Variants in ESRRB observed in about 807,000 individuals in gnomAD.
The protein encoded by ESRRB is estrogen related receptor beta.
Under a neutral mutation model 46.0 loss-of-function variants are expected in ESRRB, and 16 were observed. That is an observed-to-expected ratio of 0.35 (90% CI 0.24 to 0.53). The LOEUF (loss-of-function observed/expected upper bound fraction) is 0.53, where lower values mean the gene tolerates loss of function less well. Among genes scored for constraint, ESRRB ranks in the 20% least tolerant of loss-of-function variants. The pLI is 0.93. For synonymous variants in ESRRB, 246 were observed against 259.6 expected (o/e 0.95, Z 0.50); for missense variants, 488 against 607.4 (o/e 0.80, Z 2.07).
intron 2 of ESRRB, among the ~76,000 whole-genome samples, chr14:76,462,046 G>A (rs1380273713): frequency 6.6e-6 from 1 of 152,228 alleles, no homozygotes; most frequent in African/African-American, 2.4e-5. Flanking sequence ...GCAAAGCCAG[G>A]TGGCCTGGGC....
chr14:76,409,110 C>T lies in ESRRB; in HGVS notation c.51-30231C>T, dbSNP rs1274532373. On this transcript the variant is annotated intron_variant, in intron 1 of 6. Coordinates refer to ENST00000644823, the MANE Select transcript of ESRRB (RefSeq NM_001379180.1). ...TGTAAAATGGGAACGCCCAGGCTTC[C>T]CCTGACAGTTTCTTGGACAGATTAA... Among the ~76,000 whole-genome samples the T allele has an allele frequency of 2.6e-5, 4 of 152,266 alleles. No homozygotes were observed. The East Asian group carries it at 5.8e-4, about 22-fold the overall frequency.
intron 1 of ESRRB, among the ~76,000 whole-genome samples, chr14:76,325,803 T>C (rs749516772): frequency 5.9e-5 from 9 of 152,208 alleles, no homozygotes; most frequent in Non-Finnish European, 1.3e-4. Flanking sequence ...GTCAGGGCCA[T>C]GAGGGCGCGC....
chr14:76,495,333 C>G (rs1330089380), intron 6 of ESRRB: 1 of 152,090 alleles, frequency 6.6e-6, no homozygotes, highest in Non-Finnish European at 1.5e-5. Context: ...AGAGAGCCAT[C>G]CTGCAGTTGG....
chr14:76,335,432 G>T (rs1053870316), intron 1 of ESRRB, among the ~76,000 whole-genome samples: 1 of 152,170 alleles, frequency 6.6e-6, no homozygotes, highest in Non-Finnish European at 1.5e-5. Flanking sequence ...AGCTGTAGGG[G>T]CCAGTACAAT....
At chr14:76,484,570 C>G (rs150153330) in intron 5 of ESRRB, among the ~76,000 whole-genome samples, 177 of 152,302 alleles carry the variant, frequency 1.2e-3, no homozygotes, top group African/African-American at 4.2e-3. Context: ...ACGAGTGGCG[C>G]CTGGTGGTCC....
chr14:76,355,033 G>A (rs1161300612), intron 1 of ESRRB, among the ~76,000 whole-genome samples: 7 of 152,092 alleles, frequency 4.6e-5, no homozygotes, highest in African/African-American at 1.2e-4. Context: ...TATCTGCACG[G>A]GCCAAGGAGG....
intron 5 of ESRRB, among the ~76,000 whole-genome samples, chr14:76,486,017 T>C (rs1566612951): frequency 6.6e-6 from 1 of 152,162 alleles, no homozygotes; most frequent in Non-Finnish European, 1.5e-5. Flanking sequence ...TCACTCAGAA[T>C]CCCAGCCATT....
intron 3 of ESRRB, among the ~76,000 whole-genome samples, chr14:76,478,095 T>C (rs1457799186): frequency 2.0e-5 from 3 of 152,192 alleles, no homozygotes; most frequent in Admixed American, 2.0e-4. Flanking sequence ...GGAACAGTAA[T>C]AATAAGGATG....
intron 1 of ESRRB, among the ~76,000 whole-genome samples, chr14:76,429,390 G>A (rs999101289): frequency 1.3e-5 from 2 of 152,114 alleles, no homozygotes; most frequent in Non-Finnish European, 2.9e-5. Flanking sequence ...GTTGAAAGCT[G>A]AAAGATACAC....
At chr14:76,436,514 T>C (rs918633947) in intron 1 of ESRRB, among the ~76,000 whole-genome samples, 1 of 151,964 alleles carries the variant, frequency 6.6e-6, no homozygotes, top group African/African-American at 2.4e-5. Context: ...TGCCCTAGGG[T>C]CTTCCTGTGA....
chr14:76,478,745 C>A (rs981913995), intron 3 of ESRRB, among the ~76,000 whole-genome samples: 1 of 152,032 alleles, frequency 6.6e-6, no homozygotes, highest in African/African-American at 2.4e-5. Flanking sequence ...GTATAGTGAA[C>A]AGAGGAGGCT....
chr14:76,437,241 A>G (rs1280159005), intron 1 of ESRRB, among the ~76,000 whole-genome samples: 1 of 152,150 alleles, frequency 6.6e-6, no homozygotes, highest in Non-Finnish European at 1.5e-5. Context: ...CATGTTGGCC[A>G]GGCTGGTCTT....
chr14:76,457,901 C>G (rs920009410), intron 2 of ESRRB, among the ~76,000 whole-genome samples: 2 of 152,150 alleles, frequency 1.3e-5, no homozygotes, highest in African/African-American at 2.4e-5. Flanking sequence ...TCTCAAACTC[C>G]TGACCTCAAG....
intron 2 of ESRRB, among the ~76,000 whole-genome samples, chr14:76,444,325 A>G (rs1392714810): frequency 6.6e-6 from 1 of 151,976 alleles, no homozygotes; most frequent in African/African-American, 2.4e-5. Flanking sequence ...GAGCCACCAT[A>G]CCCAGCCAGA....
chr14:76,321,385 C>T (rs1264690969), intron 1 of ESRRB, among the ~76,000 whole-genome samples: 4 of 152,248 alleles, frequency 2.6e-5, no homozygotes, highest in Admixed American at 2.0e-4. Context: ...CCTAAAATCT[C>T]GTATTTTCTT....
intron 1 of ESRRB, among the ~76,000 whole-genome samples, chr14:76,342,523 T>C (rs1046701083): frequency 2.0e-5 from 3 of 152,228 alleles, no homozygotes; most frequent in African/African-American, 7.2e-5. Flanking sequence ...CACTTGCAGC[T>C]GCTGTGGTCA....
intron 1 of ESRRB, among the ~76,000 whole-genome samples, chr14:76,364,559 G>A (rs1685253306): frequency 1.3e-5 from 2 of 152,216 alleles, no homozygotes; most frequent in African/African-American, 4.8e-5. Context: ...AGGTGTGGTG[G>A]TGCATGCCTG....
intron 1 of ESRRB, among the ~76,000 whole-genome samples, chr14:76,322,472 C>A (rs1883879465): frequency 6.6e-6 from 1 of 152,210 alleles, no homozygotes; most frequent in Non-Finnish European, 1.5e-5. Flanking sequence ...TTCCTGGCCC[C>A]ATCTCCTGCC....
upstream of ESRRB, among the ~76,000 whole-genome samples, chr14:76,367,697 A>C (rs905657775): frequency 3.9e-5 from 6 of 152,168 alleles, no homozygotes; most frequent in Non-Finnish European, 8.8e-5. Flanking sequence ...CTGGGAGTAG[A>C]GGTGAGATTT....
Sources: allele counts gnomAD v4.1 joint callset (sites outside exome capture counted in the v4.1 genomes callset), GRCh38; gene constraint gnomAD v4.1.1; transcripts MANE v1.5; gene names NCBI Gene and HGNC (gene_info 2026-07-23, HGNC 2026-07-21).